Variants in LRRC4C observed in about 807,000 individuals in gnomAD.
LRRC4C encodes the protein leucine rich repeat containing 4C.
A neutral mutation model predicts 33.6 loss-of-function variants in LRRC4C; 5 were observed. The observed-to-expected ratio is 0.15, with a 90% CI of 0.08 to 0.31. The LOEUF is 0.31. LRRC4C is among the 10% of genes least tolerant of loss of function. The probability of loss-of-function intolerance (pLI) is 1.00; values close to 1 mark genes in which losing one functional copy is unlikely to be tolerated. For missense variants in LRRC4C, 560 were observed against 796.7 expected (o/e 0.70, Z 3.58); for synonymous variants, 329 against 302.0 (o/e 1.09, Z -0.93).
intron 3 of LRRC4C, among the ~76,000 whole-genome samples, chr11:40,505,677 GA>G (rs1180812495): frequency 6.6e-6 from 1 of 152,130 alleles, no homozygotes. Context: ...ATGAATGCAA[GA>G]AAAACATTGC....
At chr11:40,196,845 T>C (rs940980235) in intron 5 of LRRC4C, among the ~76,000 whole-genome samples, 1 of 152,208 alleles carries the variant, frequency 6.6e-6, no homozygotes, top group African/African-American at 2.4e-5. Context: ...AGCATAATTA[T>C]AGCAAAATGG....
chr11:40,727,892 T>C (rs1239900386), intron 2 of LRRC4C, among the ~76,000 whole-genome samples: 1 of 151,706 alleles, frequency 6.6e-6, no homozygotes, highest in African/African-American at 2.4e-5. Flanking sequence ...CTACTAAAAA[T>C]ACAACAATGA....
intron 1 of LRRC4C, among the ~76,000 whole-genome samples, chr11:40,952,849 A>AAC (rs56684958): frequency 0.047 from 5,280 of 112,388 alleles, 116 homozygotes; most frequent in Non-Finnish European, 0.056. Context: ...TCTATTTCCA[A>AAC]ACACACACAC....
intron 1 of LRRC4C, among the ~76,000 whole-genome samples, chr11:41,274,970 T>A (rs890693419): frequency 6.6e-6 from 1 of 151,864 alleles, no homozygotes; most frequent in Non-Finnish European, 1.5e-5. Context: ...GTCATGGGGG[T>A]GGATCCCTCA....
intron 5 of LRRC4C, among the ~76,000 whole-genome samples, chr11:40,168,367 G>A (rs1335650483): frequency 6.6e-6 from 1 of 152,198 alleles, no homozygotes; most frequent in Non-Finnish European, 1.5e-5. Context: ...GACCAAAATA[G>A]TAGACATGGT....
At chr11:40,440,342 C>T (rs1951338959) in intron 3 of LRRC4C, among the ~76,000 whole-genome samples, 1 of 147,250 alleles carries the variant, frequency 6.8e-6, no homozygotes, top group Admixed American at 6.8e-5. Flanking sequence ...CTCCAAAGCT[C>T]CAAACTGATT....
intron 1 of LRRC4C, among the ~76,000 whole-genome samples, chr11:40,965,054 A>C (rs938832546): frequency 6.6e-6 from 1 of 151,972 alleles, no homozygotes; most frequent in African/African-American, 2.4e-5. Flanking sequence ...CTTTTTAATG[A>C]TTGCCATTCT....
chr11:41,216,201 A>G (rs975464198), intron 1 of LRRC4C, among the ~76,000 whole-genome samples: 3 of 152,194 alleles, frequency 2.0e-5, no homozygotes, highest in African/African-American at 4.8e-5. Flanking sequence ...ACCCATCACC[A>G]TTGTAAATTT....
At position 41,246,449 on chromosome 11, in the gene LRRC4C, C is replaced by G. The variant is rs540896787; in HGVS notation, c.-496+212982G>C. On this transcript the variant is annotated intron_variant, in intron 1 of 6. Coordinates refer to ENST00000528697, the MANE Select transcript of LRRC4C (RefSeq NM_001258419.2). ...GTAGGGGTAGGGGGGCTTCCTTGGCCCCTGAGAGTGCAGAGATGCCCCATC... is the reference window on the plus strand; with the variant it reads ...GTAGGGGTAGGGGGGCTTCCTTGGCGCCTGAGAGTGCAGAGATGCCCCATC... 5.9e-5 allele frequency among the ~76,000 whole-genome samples: 9 copies of G among 152,260 alleles called. No individual in the cohort carries two copies. In the South Asian group the frequency reaches 1.9e-3, roughly 32 times the overall value.
chr11:41,101,674 T>C (rs1472719771), intron 1 of LRRC4C, among the ~76,000 whole-genome samples: 1 of 152,168 alleles, frequency 6.6e-6, no homozygotes, highest in East Asian at 1.9e-4. Flanking sequence ...TATAAATCCT[T>C]TTACCATGAA....
chr11:40,343,265 A>G (rs749783267), intron 3 of LRRC4C, among the ~76,000 whole-genome samples: 19 of 152,144 alleles, frequency 1.2e-4, no homozygotes, highest in Non-Finnish European at 4.4e-5. Context: ...AATTAACCTA[A>G]GTCTATCAAT....
chr11:40,209,810 T>C (rs1383337916), intron 5 of LRRC4C, among the ~76,000 whole-genome samples: 1 of 152,166 alleles, frequency 6.6e-6, no homozygotes, highest in Non-Finnish European at 1.5e-5. Flanking sequence ...AAAAGAATAA[T>C]GTAAGCATAA....
chr11:40,165,047 G>A (rs1859471421), intron 5 of LRRC4C, among the ~76,000 whole-genome samples: 1 of 152,144 alleles, frequency 6.6e-6, no homozygotes, highest in African/African-American at 2.4e-5. Flanking sequence ...ATTTATTGAA[G>A]AACCATGGGT....
intron 2 of LRRC4C, among the ~76,000 whole-genome samples, chr11:40,834,004 G>T (rs1176956869): frequency 2.4e-4 from 37 of 151,970 alleles, no homozygotes; most frequent in Admixed American, 2.0e-3. Flanking sequence ...TAAAAAATCT[G>T]TTTGTTATAT....
chr11:41,236,436 C>A (rs1948025532), intron 1 of LRRC4C, among the ~76,000 whole-genome samples: 1 of 152,016 alleles, frequency 6.6e-6, no homozygotes, highest in South Asian at 2.1e-4. Flanking sequence ...CAATCTGTTG[C>A]ACTTATATAC....
chr11:40,464,038 TA>T (rs1202697171), intron 3 of LRRC4C, among the ~76,000 whole-genome samples: 1 of 151,822 alleles, frequency 6.6e-6, no homozygotes, highest in Non-Finnish European at 1.5e-5. Context: ...AACAACAAAG[TA>T]AAACTACAGA....
At chr11:41,064,554 C>A (rs955040891) in intron 1 of LRRC4C, among the ~76,000 whole-genome samples, 1 of 152,216 alleles carries the variant, frequency 6.6e-6, no homozygotes, top group Non-Finnish European at 1.5e-5. Flanking sequence ...ATTCTTCATG[C>A]TTTCTCTTCA....
intron 4 of LRRC4C, among the ~76,000 whole-genome samples, chr11:40,314,344 G>A (rs1212932360): frequency 6.6e-6 from 1 of 151,918 alleles, no homozygotes; most frequent in Non-Finnish European, 1.5e-5. Context: ...TAAAACCAAA[G>A]TGAGTTATCA....
chr11:41,220,737 G>T (rs1198136583), intron 1 of LRRC4C, among the ~76,000 whole-genome samples: 1 of 152,044 alleles, frequency 6.6e-6, no homozygotes, highest in Non-Finnish European at 1.5e-5. Flanking sequence ...CAGATATGTT[G>T]ATATCCCAAG....
Sources: gnomAD v4.1 joint callset for allele counts (sites outside exome capture counted in the v4.1 genomes callset) on GRCh38, gnomAD v4.1.1 for gene constraint, MANE v1.5 for transcripts, NCBI Gene and HGNC (gene_info 2026-07-23, HGNC 2026-07-21) for gene names.